The following LHFPL3 variants were observed in gnomAD, a reference collection of about 807,000 sequenced individuals.
The protein encoded by LHFPL3 is LHFPL tetraspan subfamily member 3 protein.
LHFPL3 carries 5 observed loss-of-function variants against 19.3 expected under a neutral mutation model. The ratio of observed to expected loss-of-function variants is 0.26; its 90% CI spans 0.14 to 0.54. The LOEUF is 0.54. Ranked by LOEUF, LHFPL3 falls within the 20% of genes least tolerant of loss-of-function variation. LHFPL3 has a pLI of 0.94. For synonymous variants in LHFPL3, 133 were observed against 126.2 expected (o/e 1.05, Z -0.36); for missense variants, 249 against 307.4 (o/e 0.81, Z 1.42).
intron 2 of LHFPL3, among the ~76,000 whole-genome samples, chr7:104,773,473 C>T (rs1794591484): frequency 6.6e-6 from 1 of 152,236 alleles, no homozygotes; most frequent in Non-Finnish European, 1.5e-5. Flanking sequence ...AAATGCCATG[C>T]ATCCTTTATT....
chr7:104,442,883 G>A (rs540219844), intron 1 of LHFPL3, among the ~76,000 whole-genome samples: 11 of 152,176 alleles, frequency 7.2e-5, no homozygotes, highest in African/African-American at 2.2e-4. Context: ...CCTTAGTTTC[G>A]CACCTCACTG....
intron 1 of LHFPL3, among the ~76,000 whole-genome samples, chr7:104,617,178 T>C (rs1791363320): frequency 6.6e-6 from 1 of 152,082 alleles, no homozygotes; most frequent in Non-Finnish European, 1.5e-5. Context: ...TATAAATCAT[T>C]CTACTATAAA....
At chr7:104,846,056 A>G (rs1791307025) in intron 2 of LHFPL3, among the ~76,000 whole-genome samples, 1 of 152,248 alleles carries the variant, frequency 6.6e-6, no homozygotes, top group Non-Finnish European at 1.5e-5. Flanking sequence ...TACGAAGGAA[A>G]AAGAATAATG....
intron 1 of LHFPL3, among the ~76,000 whole-genome samples, chr7:104,654,356 G>A (rs1291144933): frequency 6.6e-6 from 1 of 152,156 alleles, no homozygotes; most frequent in Non-Finnish European, 1.5e-5. Context: ...CGTGACCAGA[G>A]GGATGTAGAT....
intron 1 of LHFPL3, chr7:104,469,977 T>C (rs934435298): frequency 4.4e-6 from 2 of 455,876 alleles, no homozygotes; most frequent in African/African-American, 4.0e-5. Context: ...GTGGTTGCGC[T>C]TGAAATGCCA....
chr7:104,867,400 C>G lies in LHFPL3; in HGVS notation c.683-38787C>G, dbSNP rs183211062. Among the ~76,000 whole-genome samples the G allele has an allele frequency of 1.3e-4, 20 of 152,224 alleles. No individual in the cohort carries two copies. In the East Asian group the frequency reaches 3.7e-3, roughly 28 times the overall value. ...ATAAAAAATGATAAAGGGGATATCA[C>G]CACCAATCCCACAGAAATACAAACT... On this transcript the variant is annotated intron_variant, in intron 2 of 2. Coordinates refer to ENST00000424859, the MANE Select transcript of LHFPL3 (RefSeq NM_199000.3).
At chr7:104,670,862 T>TG (rs1381022343) in intron 1 of LHFPL3, among the ~76,000 whole-genome samples, 2 of 100,700 alleles carry the variant, frequency 2.0e-5, no homozygotes, top group Non-Finnish European at 4.7e-5. Context: ...ATGTGTTTTG[T>TG]TTTGTTTTTT....
At chr7:104,600,070 T>C (rs1466019484) in intron 1 of LHFPL3, among the ~76,000 whole-genome samples, 1 of 152,212 alleles carries the variant, frequency 6.6e-6, no homozygotes, top group African/African-American at 2.4e-5. Flanking sequence ...CTGCTGTCTG[T>C]GTACAGAAAC....
At chr7:104,834,872 A>C (rs982257368) in intron 2 of LHFPL3, among the ~76,000 whole-genome samples, 1 of 152,018 alleles carries the variant, frequency 6.6e-6, no homozygotes, top group Non-Finnish European at 1.5e-5. Context: ...ACTTAGGTCC[A>C]TTGTAACCTT....
chr7:104,701,598 G>A (rs936320292), intron 1 of LHFPL3, among the ~76,000 whole-genome samples: 4 of 152,178 alleles, frequency 2.6e-5, no homozygotes, highest in African/African-American at 9.7e-5. Flanking sequence ...CAAGGAAAAG[G>A]AGGGGTTGGT....
At chr7:104,379,776 C>A (rs1000725806) in intron 1 of LHFPL3, among the ~76,000 whole-genome samples, 13 of 152,130 alleles carry the variant, frequency 8.5e-5, no homozygotes, top group African/African-American at 4.8e-5. Context: ...CTCAGCACAG[C>A]CACAGCTCTG....
chr7:104,623,966 A>T (rs555829709), intron 1 of LHFPL3, among the ~76,000 whole-genome samples: 1 of 152,340 alleles, frequency 6.6e-6, no homozygotes, highest in African/African-American at 2.4e-5. Flanking sequence ...GTTTTGAGGT[A>T]GTTTCACAAA....
At chr7:104,484,388 A>C (rs1346525519) in intron 1 of LHFPL3, among the ~76,000 whole-genome samples, 1 of 152,130 alleles carries the variant, frequency 6.6e-6, no homozygotes, top group Non-Finnish European at 1.5e-5. Flanking sequence ...ACTTCTCAGC[A>C]TGGCCATTGC....
intron 2 of LHFPL3, among the ~76,000 whole-genome samples, chr7:104,867,450 C>T (rs1791749474): frequency 1.3e-5 from 2 of 152,202 alleles, no homozygotes; most frequent in Admixed American, 6.5e-5. Flanking sequence ...CTATAAACAA[C>T]TCTATGCAAA....
intron 1 of LHFPL3, among the ~76,000 whole-genome samples, chr7:104,569,639 G>A (rs1004926872): frequency 5.3e-5 from 8 of 152,140 alleles, no homozygotes; most frequent in Non-Finnish European, 1.2e-4. Flanking sequence ...AAAAACAGTT[G>A]TAAATAATAT....
At chr7:104,502,856 G>A (rs1793627571) in intron 1 of LHFPL3, among the ~76,000 whole-genome samples, 1 of 152,096 alleles carries the variant, frequency 6.6e-6, no homozygotes, top group African/African-American at 2.4e-5. Context: ...GATAAGTCTA[G>A]TTTTCAGGGT....
chr7:104,733,741 T>C (rs1255362360), intron 1 of LHFPL3, among the ~76,000 whole-genome samples: 2 of 152,230 alleles, frequency 1.3e-5, no homozygotes, highest in Admixed American at 6.5e-5. Flanking sequence ...AATATTGTTA[T>C]GTGTGAATTT....
chr7:104,393,432 G>A (rs1163694996), intron 1 of LHFPL3, among the ~76,000 whole-genome samples: 3 of 151,948 alleles, frequency 2.0e-5, no homozygotes, highest in African/African-American at 7.3e-5. Flanking sequence ...TAAACAAAAT[G>A]TCAGGCTGGG....
chr7:104,888,568 CAA>C (rs2116700784), intron 2 of LHFPL3, among the ~76,000 whole-genome samples: 1 of 152,260 alleles, frequency 6.6e-6, no homozygotes, highest in African/African-American at 2.4e-5. Flanking sequence ...CATTCCACAG[CAA>C]AGAGATCTTG....
Sources: allele counts gnomAD v4.1 joint callset (sites outside exome capture counted in the v4.1 genomes callset), GRCh38; gene constraint gnomAD v4.1.1; transcripts MANE v1.5; gene names NCBI Gene and HGNC (gene_info 2026-07-23, HGNC 2026-07-21).